Variants in HRH4 observed in about 807,000 individuals in gnomAD.
HRH4 encodes histamine receptor H4.
In HRH4, 12 loss-of-function variants were observed where a neutral mutation model predicts 10.4. That is an observed-to-expected ratio of 1.15 (90% CI 0.74 to 1.87). The LOEUF is 1.87. Ranked by LOEUF, HRH4 falls within the 40% of genes most tolerant of loss-of-function variation. The pLI is 0.00. For missense variants in HRH4, 415 were observed against 453.3 expected, an observed-to-expected ratio of 0.92 and a Z score of 0.77; for synonymous variants, 154 against 166.6, an observed-to-expected ratio of 0.92 and a Z score of 0.58.
In HRH4 at chr18:24,477,144, G is replaced by A. The variant is rs1351309174; in HGVS notation, c.755G>A (p.Arg252Lys). 1.2e-6 allele frequency: 2 copies of A among 1,614,166 alleles called. No homozygotes were observed. The highest frequency in any genetic ancestry group is 1.7e-6 in the Non-Finnish European group (2 of 1,180,036). ...GTTCCTGCATCCTTTCATTCAGAGA[G>A]ACAGAGGAGAAAGAGTAGTCTCATG... The part of the protein sequence containing the change: ...TEVPASFHSE[R>K]QRRKSSLMFS... Residue 252 changes from arginine (R) to lysine (K), a missense_variant, in exon 3 of 3, where the codon AGA becomes AAA. Arg to Lys is a conservative substitution (Grantham distance 26). Coordinates refer to ENST00000256906, the MANE Select transcript of HRH4 (RefSeq NM_021624.4).
chr18:24,470,050 C>G (rs892198016), intron 2 of HRH4, among the ~76,000 whole-genome samples: 1 of 152,088 alleles, frequency 6.6e-6, no homozygotes, highest in African/African-American at 2.4e-5. Context: ...TAAGTGCTGT[C>G]CTGGGGTGTT....
intron 1 of HRH4, among the ~76,000 whole-genome samples, chr18:24,464,452 C>G (rs1909723172): frequency 3.9e-5 from 6 of 152,152 alleles, no homozygotes. Context: ...AATATAGCCA[C>G]ATGGGGGGTT....
rs570337066 is a variant in HRH4, at chr18:24,461,986, C to T, written c.193+1065C>T. On this transcript the variant is annotated intron_variant, in intron 1 of 2. Transcript: ENST00000256906. Reference sequence around the variant, plus strand: ...ATGACTATAGCAGTATAGAGTAACACGAGACCCCACGAAGACCTAAGAAGT... The same window carrying T: ...ATGACTATAGCAGTATAGAGTAACATGAGACCCCACGAAGACCTAAGAAGT... Among the ~76,000 whole-genome samples the T allele has an allele frequency of 2.3e-3, 357 of 152,140 alleles. 3 individuals are homozygous for T. The highest frequency in any genetic ancestry group is 4.6e-3 in the South Asian group (22 of 4,820).
At chr18:24,467,305 A>G (rs1909802066) in intron 1 of HRH4, among the ~76,000 whole-genome samples, 1 of 152,220 alleles carries the variant, frequency 6.6e-6, no homozygotes, top group Non-Finnish European at 1.5e-5. Flanking sequence ...AGGAAATACA[A>G]AGATTGATTT....
intron 1 of HRH4, among the ~76,000 whole-genome samples, chr18:24,466,736 G>T (rs1599775857): frequency 6.6e-6 from 1 of 151,884 alleles, no homozygotes; most frequent in East Asian, 1.9e-4. Flanking sequence ...CTTAATAATA[G>T]ACTAATTTGG....
At chr18:24,473,113 C>T (rs1599779258) in intron 2 of HRH4, among the ~76,000 whole-genome samples, 1 of 152,096 alleles carries the variant, frequency 6.6e-6, no homozygotes, top group East Asian at 1.9e-4. Context: ...CAAGATCGCA[C>T]CACTGCACTC....
chr18:24,464,832 G>T (rs974598043), intron 1 of HRH4, among the ~76,000 whole-genome samples: 2 of 152,110 alleles, frequency 1.3e-5, no homozygotes, highest in Non-Finnish European at 2.9e-5. Flanking sequence ...GGGAGCAGGG[G>T]CATGGAGACA....
In HRH4 at chr18:24,468,874, G is replaced by T; in HGVS notation, c.280G>T (p.Asp94Tyr). 1 of 1,613,052 alleles carries T rather than the reference G, an allele frequency of 6.2e-7. No individual in the cohort carries two copies. The highest frequency in any genetic ancestry group is 2.2e-5 in the East Asian group (1 of 44,858). The change falls in exon 2 of 3, where the codon GAC (aspartate) becomes TAC (tyrosine). Residue 94 changes from aspartate (D) to tyrosine (Y), a missense_variant. By Grantham distance (160) the Asp-to-Tyr change is radical (BLOSUM62 -3). Transcript: ENST00000256906. The part of the protein sequence containing the change: ...KEICVFWLTT[D>Y]YLLCTASVYN... ...AATCTGTGTATTTTGGCTCACTACT[G>T]ACTATCTGTTATGTACAGCATCTGT...
Position 24,468,653 on chromosome 18 carries a change from C to T in HRH4, c.194-135C>T, listed in dbSNP as rs748995607. The T allele has an allele frequency of 6.0e-5, 50 of 832,562 alleles. No homozygotes were observed. The Middle Eastern group carries it at 9.7e-4, about 16-fold the overall frequency. 51.6% of individuals were successfully genotyped at this position (832,562 alleles called of 1,614,324 possible). A position where few individuals can be genotyped will look rare whatever the true frequency, so the allele number is the denominator to read the frequency against. On this transcript the variant is annotated intron_variant, in intron 1 of 2. Transcript: ENST00000256906. ...AGTCCTGAGCTGCTTGATGAAATAC[C>T]GTGAATTTCTAAATTAGAGACAAAT...
In HRH4 at chr18:24,479,263, C is replaced by T. The variant is rs1910242227; in HGVS notation, c.*1701C>T. The T allele has an allele frequency of 6.6e-6, 1 of 152,102 alleles. No homozygotes were observed. Among genetic ancestry groups the T allele is most frequent in the Admixed American group, 6.5e-5 (1 of 15,268 alleles). 9.4% of individuals were successfully genotyped at this position (152,102 alleles called of 1,614,324 possible). On this transcript the variant is annotated 3_prime_UTR_variant, in exon 3 of 3. Coordinates refer to ENST00000256906, the MANE Select transcript of HRH4 (RefSeq NM_021624.4). Reference sequence around the variant, plus strand: ...TGCTGGGATTATAGGCACAAGACACCACAATAATTATTGCCTGTATGTCAA... The same window carrying T: ...TGCTGGGATTATAGGCACAAGACACTACAATAATTATTGCCTGTATGTCAA...
chr18:24,463,696 C>G (rs866528476), intron 1 of HRH4, among the ~76,000 whole-genome samples: 169 of 152,274 alleles, frequency 1.1e-3, no homozygotes, highest in African/African-American at 3.8e-3. Flanking sequence ...CCCTCTTCCC[C>G]CCAGGTTTCA....
chr18:24,475,875 G>T (rs1036647206), intron 2 of HRH4, among the ~76,000 whole-genome samples: 1 of 152,142 alleles, frequency 6.6e-6, no homozygotes, highest in African/African-American at 2.4e-5. Flanking sequence ...AGGTGTGGTG[G>T]TGGGTATCTG....
chr18:24,475,782 C>A (rs1427603693), intron 2 of HRH4, among the ~76,000 whole-genome samples: 1 of 152,078 alleles, frequency 6.6e-6, no homozygotes, highest in African/African-American at 2.4e-5. Context: ...CTGAGGTGGG[C>A]AGATCACCTG....
In HRH4 at chr18:24,468,893, C is replaced by A. The variant is rs1185924864; in HGVS notation, c.299C>A (p.Ala100Glu). The change falls in exon 2 of 3, where the codon GCA becomes GAA. Residue 100 changes from alanine (A) to glutamate (E), a missense_variant. Ala to Glu is a moderately radical substitution (Grantham distance 107, BLOSUM62 -1). Coordinates refer to ENST00000256906, the MANE Select transcript of HRH4 (RefSeq NM_021624.4). ...WLTTDYLLCT[A>E]SVYNIVLISY... is the part of the protein sequence containing the mutation. The stretch of plus-strand genomic sequence containing the variant: ...ACTACTGACTATCTGTTATGTACAG[C>A]ATCTGTATATAACATTGTCCTCATC... The A allele has an allele frequency of 1.9e-6, 3 of 1,610,784 alleles. No individual in the cohort carries two copies. The highest frequency in any genetic ancestry group is 1.7e-5 in the Admixed American group (1 of 59,968).
At chr18:24,468,990 T>A in intron 2 of HRH4, 39 bp downstream of exon 2, 1 of 1,506,136 alleles carries the variant, frequency 6.6e-7, no homozygotes, top group Non-Finnish European at 8.9e-7. Flanking sequence ...TAGAAGATTA[T>A]GTAAATGTAT....
chr18:24,461,270 G>A (rs561392652), intron 1 of HRH4, among the ~76,000 whole-genome samples: 1 of 152,128 alleles, frequency 6.6e-6, no homozygotes, highest in South Asian at 2.1e-4. Flanking sequence ...AAGTAAATAT[G>A]GTTTTGTTGG....
chr18:24,468,938 C>G lies in HRH4; in HGVS notation c.344C>G (p.Ser115Ter). 1.9e-6 allele frequency: 3 copies of G among 1,604,834 alleles called. 1 individual carries two copies. In the South Asian group the frequency reaches 3.4e-5, roughly 18 times the overall value. ...IVLISYDRYL[S>*]VSNAVSYRTQ... is the part of the protein sequence containing the mutation. ...CTCATCAGCTATGATCGATACCTGT[C>G]AGTCTCAAATGCTGTAAGTCGAAAC... Residue 115 changes from serine (S) to a stop codon, truncating the protein, a stop_gained, in exon 2 of 3, where the codon TCA becomes TGA. Coordinates refer to ENST00000256906, the MANE Select transcript of HRH4 (RefSeq NM_021624.4). LOFTEE classifies it low-confidence loss of function (END_TRUNC).
intron 2 of HRH4, among the ~76,000 whole-genome samples, chr18:24,471,025 G>A (rs1599778161): frequency 1.3e-5 from 2 of 151,608 alleles, no homozygotes; most frequent in Admixed American, 1.3e-4. Flanking sequence ...TCGCCACAAA[G>A]GAAGCTGGGA....
chr18:24,474,014 A>G (rs1910059684), intron 2 of HRH4, among the ~76,000 whole-genome samples: 1 of 152,136 alleles, frequency 6.6e-6, no homozygotes, highest in African/African-American at 2.4e-5. Flanking sequence ...TCTTTCAAAT[A>G]TGCTCCCCGG....
Sources: gnomAD v4.1 joint callset for allele counts (sites outside exome capture counted in the v4.1 genomes callset) on GRCh38, gnomAD v4.1.1 for gene constraint, MANE v1.5 for transcripts, NCBI Gene and HGNC (gene_info 2026-07-23, HGNC 2026-07-21) for gene names.